The following DGKI variants were observed in gnomAD, a reference collection of about 807,000 sequenced individuals.
DGKI encodes the protein diacylglycerol kinase iota.
Under a neutral mutation model 147.5 loss-of-function variants are expected in DGKI, and 55 were observed. The observed-to-expected ratio is 0.37, with a 90% confidence interval of 0.30 to 0.47. DGKI has a LOEUF of 0.47. Ranked by LOEUF, DGKI falls within the 20% of genes least tolerant of loss-of-function variation. DGKI has a pLI of 1.00. For synonymous variants in DGKI, 469 were observed against 477.1 expected, an observed-to-expected ratio of 0.98 and a Z score of 0.22; for missense variants, 1,007 against 1,323.8, an observed-to-expected ratio of 0.76 and a Z score of 3.71.
chr7:137,421,481 G>T (rs965913059), intron 28 of DGKI, among the ~76,000 whole-genome samples: 8 of 152,166 alleles, frequency 5.3e-5, no homozygotes, highest in African/African-American at 1.9e-4. Context: ...TCTGTTTGGA[G>T]AAAAAACAAA....
intron 20 of DGKI, among the ~76,000 whole-genome samples, chr7:137,548,144 TAGTC>T (rs1441202854): frequency 3.3e-5 from 5 of 152,160 alleles, no homozygotes; most frequent in Admixed American, 6.5e-5. Flanking sequence ...GAACAGAAAA[TAGTC>T]AGAAGCATAT....
intron 22 of DGKI, among the ~76,000 whole-genome samples, chr7:137,487,154 C>G (rs976320600): frequency 1.3e-5 from 2 of 152,068 alleles, no homozygotes; most frequent in Non-Finnish European, 2.9e-5. Context: ...CTTTTGTGTT[C>G]TGACAAATTC....
intron 15 of DGKI, 106 bp from the exon 16 acceptor site, chr7:137,578,431 A>G (rs1819063626): frequency 1.3e-6 from 1 of 768,590 alleles, no homozygotes; most frequent in East Asian, 2.6e-5. Context: ...TACAGATCCA[A>G]TAGATCCCAT....
intron 1 of DGKI, among the ~76,000 whole-genome samples, chr7:137,813,025 A>T (rs73729045): frequency 0.027 from 4,037 of 152,290 alleles, 180 homozygotes; most frequent in African/African-American, 0.09. Flanking sequence ...ACCCTGAGAA[A>T]GTATGCCAGA....
At chr7:137,708,435 T>C (rs1794111516) in intron 1 of DGKI, among the ~76,000 whole-genome samples, 1 of 152,242 alleles carries the variant, frequency 6.6e-6, no homozygotes, top group African/African-American at 2.4e-5. Flanking sequence ...TCCCAGTAGA[T>C]GTCTGGCCTT....
intron 1 of DGKI, among the ~76,000 whole-genome samples, chr7:137,714,155 C>G (rs1019370606): frequency 6.6e-6 from 1 of 152,012 alleles, no homozygotes; most frequent in Non-Finnish European, 1.5e-5. Context: ...GGATTATTTG[C>G]TATTATCAAT....
At chr7:137,463,268 T>C (rs1814518519) in intron 27 of DGKI, among the ~76,000 whole-genome samples, 1 of 152,162 alleles carries the variant, frequency 6.6e-6, no homozygotes, top group Non-Finnish European at 1.5e-5. Flanking sequence ...GGGCTCAAGG[T>C]GGCTCAGGAG....
At chr7:137,739,071 C>T (rs113014397) in intron 1 of DGKI, among the ~76,000 whole-genome samples, 1 of 152,116 alleles carries the variant, frequency 6.6e-6, no homozygotes, top group African/African-American at 2.4e-5. Flanking sequence ...AGAGCCACTT[C>T]ACAGAGTATG....
chr7:137,614,652 A>C (rs1820471139), intron 8 of DGKI, among the ~76,000 whole-genome samples: 1 of 152,156 alleles, frequency 6.6e-6, no homozygotes, highest in African/African-American at 2.4e-5. Flanking sequence ...CTCTCTAAAT[A>C]ATGAGGTGAT....
In DGKI at chr7:137,680,347, G is replaced by A. The variant is rs1823193637; in HGVS notation, c.511-1695C>T. On this transcript the variant is annotated intron_variant, in intron 2 of 32. Transcript: ENST00000614521. ...TTTTGTTATAGCAGCCTGAGCAGAT[G>A]ACTTCAATAAGAAATTCTATAGAAT... 2.6e-5 allele frequency among the ~76,000 whole-genome samples: 4 copies of A among 152,306 alleles called. No individual in the cohort carries two copies. In the South Asian group the frequency reaches 6.2e-4, roughly 24 times the overall value.
rs553431739 is a variant in DGKI, at chr7:137,630,918, G to A, written c.805-7364C>T. Among the ~76,000 whole-genome samples the A allele has an allele frequency of 1.5e-4, 23 of 151,958 alleles. 2 individuals carry two copies. In the South Asian group the frequency reaches 4.4e-3, roughly 29 times the overall value. On this transcript the variant is annotated intron_variant, in intron 6 of 32. Coordinates refer to ENST00000614521, the MANE Select transcript of DGKI (RefSeq NM_001321708.2). ...TCCATGAAAATTAATTTCCACCTCT[G>A]ATTAACTCATAATAAACTTACCAAT... is the stretch of plus-strand genomic sequence containing the variant.
At chr7:137,556,043 T>C (rs1290606195) in intron 19 of DGKI, among the ~76,000 whole-genome samples, 1 of 152,082 alleles carries the variant, frequency 6.6e-6, no homozygotes, top group Non-Finnish European at 1.5e-5. Context: ...TTGTTAAGAA[T>C]CAAGAAATTA....
At chr7:137,542,456 T>C (rs1817734699) in intron 20 of DGKI, among the ~76,000 whole-genome samples, 1 of 152,290 alleles carries the variant, frequency 6.6e-6, no homozygotes, top group Admixed American at 6.5e-5. Context: ...AAATGATACA[T>C]GCAGCAACTT....
intron 12 of DGKI, among the ~76,000 whole-genome samples, chr7:137,593,317 T>G (rs747480796): frequency 2.0e-5 from 3 of 152,188 alleles, no homozygotes; most frequent in Non-Finnish European, 4.4e-5. Context: ...CTCGTCAATA[T>G]TTCAGCAGGG....
chr7:137,561,071 T>C lies in DGKI; in HGVS notation c.1948-8503A>G, dbSNP rs1399604751. Among the ~76,000 whole-genome samples, 5 of 152,232 alleles carry C rather than the reference T, an allele frequency of 3.3e-5. No homozygotes were observed. In the East Asian group the frequency reaches 9.7e-4, roughly 29 times the overall value. ...TCATATGATCCAGCAATTGCACTAC[T>C]GGGCATTTATCCAATAGAAAGGAAA... is the stretch of plus-strand genomic sequence containing the variant. On this transcript the variant is annotated intron_variant, in intron 19 of 32. Coordinates refer to ENST00000614521, the MANE Select transcript of DGKI (RefSeq NM_001321708.2).
At chr7:137,704,506 CT>C (rs1223410773) in intron 1 of DGKI, among the ~76,000 whole-genome samples, 1 of 152,070 alleles carries the variant, frequency 6.6e-6, no homozygotes, top group African/African-American at 2.4e-5. Flanking sequence ...AAAAACAGAT[CT>C]TCAGAGACCT....
chr7:137,539,053 T>C (rs958870170), intron 20 of DGKI, among the ~76,000 whole-genome samples: 5 of 152,168 alleles, frequency 3.3e-5, no homozygotes, highest in African/African-American at 1.2e-4. Flanking sequence ...CCTTTCTTTT[T>C]TCCCCCCTCC....
chr7:137,762,267 C>T (rs1043317405), intron 1 of DGKI, among the ~76,000 whole-genome samples: 2 of 152,212 alleles, frequency 1.3e-5, no homozygotes, highest in Non-Finnish European at 2.9e-5. Context: ...CACTCTGACA[C>T]ACCTGAAATC....
At chr7:137,440,060 T>G (rs1813436774) in intron 28 of DGKI, among the ~76,000 whole-genome samples, 1 of 151,910 alleles carries the variant, frequency 6.6e-6, no homozygotes, top group Non-Finnish European at 1.5e-5. Flanking sequence ...CAGGCTAAGG[T>G]GACAGAAAGG....
Sources: gnomAD v4.1 joint callset for allele counts (sites outside exome capture counted in the v4.1 genomes callset) on GRCh38, gnomAD v4.1.1 for gene constraint, MANE v1.5 for transcripts, NCBI Gene and HGNC (gene_info 2026-07-23, HGNC 2026-07-21) for gene names.